The following LRP6 variants were observed in gnomAD, a reference collection of about 807,000 sequenced individuals.
LRP6 encodes the protein LDL receptor related protein 6.
Under a neutral mutation model 184.1 loss-of-function variants are expected in LRP6, and 43 were observed. The ratio of observed to expected loss-of-function variants is 0.23; its 90% CI spans 0.18 to 0.30. LRP6 has a LOEUF of 0.30. Ranked by LOEUF, LRP6 falls within the 10% of genes least tolerant of loss-of-function variation. The pLI is 1.00. For missense variants in LRP6, 1,571 were observed against 2,005.3 expected (o/e 0.78, Z 4.14); for synonymous variants, 719 against 684.9 (o/e 1.05, Z -0.78).
intron 7 of LRP6, among the ~76,000 whole-genome samples, chr12:12,169,686 G>C (rs1862980933): frequency 1.3e-5 from 2 of 152,172 alleles, no homozygotes; most frequent in African/African-American, 2.4e-5. Flanking sequence ...CTAATGATTT[G>C]GTTGCTTTAC....
intron 2 of LRP6, among the ~76,000 whole-genome samples, chr12:12,204,527 A>AC (rs1469424768): frequency 6.6e-6 from 1 of 152,074 alleles, no homozygotes; most frequent in Non-Finnish European, 1.5e-5. Context: ...TTGCTATACT[A>AC]CTTTTGCTTC....
chr12:12,129,083 T>C (rs1188482495), intron 19 of LRP6, among the ~76,000 whole-genome samples: 1 of 152,252 alleles, frequency 6.6e-6, no homozygotes, highest in Non-Finnish European at 1.5e-5. Context: ...CAGAAAGTGT[T>C]CTATATAACA....
At chr12:12,258,348 C>T (rs1865522846) in intron 1 of LRP6, among the ~76,000 whole-genome samples, 1 of 152,156 alleles carries the variant, frequency 6.6e-6, no homozygotes, top group Non-Finnish European at 1.5e-5. Flanking sequence ...GTGATCCTCT[C>T]GCCTTGGCCT....
intron 2 of LRP6, among the ~76,000 whole-genome samples, chr12:12,206,414 A>T (rs969466099): frequency 6.6e-6 from 1 of 152,020 alleles, no homozygotes; most frequent in Non-Finnish European, 1.5e-5. Flanking sequence ...GTGGTGGCAG[A>T]TGCCTATAGT....
intron 17 of LRP6, among the ~76,000 whole-genome samples, chr12:12,134,122 C>T (rs1292173439): frequency 1.3e-5 from 2 of 151,952 alleles, no homozygotes; most frequent in Non-Finnish European, 2.9e-5. Flanking sequence ...ACTTATAGTT[C>T]GACGAATAAA....
chr12:12,187,724 G>T (rs1863510823), intron 3 of LRP6, among the ~76,000 whole-genome samples: 1 of 152,180 alleles, frequency 6.6e-6, no homozygotes. Context: ...TCCAGCAAGT[G>T]ATCATCTTAG....
At chr12:12,138,196 C>G (rs1458061696) in intron 16 of LRP6, 129 bp downstream of exon 16, 5 of 857,750 alleles carry the variant, frequency 5.8e-6, no homozygotes, top group Non-Finnish European at 9.3e-6. Context: ...ATGGAGAGTT[C>G]AAAAAAATGG....
At chr12:12,191,713 TAGAATC>T (rs1863620157) in intron 3 of LRP6, among the ~76,000 whole-genome samples, 1 of 151,734 alleles carries the variant, frequency 6.6e-6, no homozygotes, top group African/African-American at 2.4e-5. Context: ...CAACACAAAT[TAGAATC>T]AGACAACTCA....
intron 1 of LRP6, among the ~76,000 whole-genome samples, chr12:12,255,704 G>A (rs1034697442): frequency 6.6e-6 from 1 of 151,358 alleles, no homozygotes; most frequent in African/African-American, 2.4e-5. Flanking sequence ...TCAAGCAGCT[G>A]GGATTATAGG....
chr12:12,138,856 G>C (rs1284801625), intron 15 of LRP6: 1 of 1,379,938 alleles, frequency 7.2e-7, no homozygotes, highest in Admixed American at 1.9e-5. Context: ...CACTTCTCTG[G>C]AGGAGCAGTG....
At chr12:12,162,501 AG>A in intron 9 of LRP6, 82 bp from the exon 10 acceptor site, 1 of 1,128,982 alleles carries the variant, frequency 8.9e-7, no homozygotes, top group South Asian at 1.2e-5. Context: ...GGTTTTTGTC[AG>A]GGGCAAGAGG....
chr12:12,229,088 C>T (rs984022648), intron 2 of LRP6, among the ~76,000 whole-genome samples: 3 of 152,092 alleles, frequency 2.0e-5, no homozygotes, highest in Non-Finnish European at 2.9e-5. Flanking sequence ...TGAAGAATAT[C>T]GGCCCGGCAC....
At chr12:12,266,474 G>A (rs1433608993) in intron 1 of LRP6, among the ~76,000 whole-genome samples, 1 of 152,112 alleles carries the variant, frequency 6.6e-6, no homozygotes, top group East Asian at 1.9e-4. Context: ...GGAAGGTCTG[G>A]GAAGCCAGGC....
chr12:12,162,168 A>G, intron 10 of LRP6, 25 bp downstream of exon 10: 1 of 1,583,768 alleles, frequency 6.3e-7, no homozygotes, highest in South Asian at 1.1e-5. Context: ...GCAGTTGCAA[A>G]GAATGCACAT....
At chr12:12,125,773 A>G (rs1422324956) in intron 20 of LRP6, among the ~76,000 whole-genome samples, 1 of 152,214 alleles carries the variant, frequency 6.6e-6, no homozygotes, top group Non-Finnish European at 1.5e-5. Flanking sequence ...GAGGCAGGGC[A>G]TATTAAATAC....
In LRP6 at chr12:12,118,732, C is replaced by G. The variant is rs1301685391; in HGVS notation, c.*2394G>C. On this transcript the variant is annotated 3_prime_UTR_variant, in exon 23 of 23. Transcript: ENST00000261349. ...AAATATTAAGAATCCATCTCATCTACCCCAGAAAGAGAACACTGAGATTAG... is the reference window on the plus strand; with the variant it reads ...AAATATTAAGAATCCATCTCATCTAGCCCAGAAAGAGAACACTGAGATTAG... 1 of 152,174 alleles carries G rather than the reference C, an allele frequency of 6.6e-6. No individual in the cohort carries two copies. Among genetic ancestry groups the G allele is most frequent in the Non-Finnish European group, 1.5e-5 (1 of 68,040 alleles). 9.4% of individuals were successfully genotyped at this position (152,174 alleles called of 1,614,324 possible). A position where few individuals can be genotyped will look rare whatever the true frequency, so the allele number is the denominator to read the frequency against.
At chr12:12,157,676 A>G (rs1328430643) in intron 12 of LRP6, among the ~76,000 whole-genome samples, 2 of 152,200 alleles carry the variant, frequency 1.3e-5, no homozygotes, top group African/African-American at 4.8e-5. Context: ...CATTCTCTCA[A>G]GCACAAAAGA....
chr12:12,163,812 T>C (rs1190206523), intron 9 of LRP6, among the ~76,000 whole-genome samples: 1 of 152,080 alleles, frequency 6.6e-6, no homozygotes, highest in Non-Finnish European at 1.5e-5. Flanking sequence ...AATAAAATAC[T>C]GAATGGGCCT....
At chr12:12,142,837 C>A (rs996026543) in intron 15 of LRP6, among the ~76,000 whole-genome samples, 9 of 152,084 alleles carry the variant, frequency 5.9e-5, no homozygotes, top group Admixed American at 1.3e-4. Context: ...AGGTTATCTA[C>A]AGAAAAACCT....
Sources: gnomAD v4.1 joint callset for allele counts (sites outside exome capture counted in the v4.1 genomes callset) on GRCh38, gnomAD v4.1.1 for gene constraint, MANE v1.5 for transcripts, NCBI Gene and HGNC (gene_info 2026-07-23, HGNC 2026-07-21) for gene names.